The following UBALD1 variants were observed in gnomAD, a reference collection of about 807,000 sequenced individuals.
UBALD1 encodes UBA-like domain-containing protein 1.
A neutral mutation model predicts 16.1 loss-of-function variants in UBALD1; 5 were observed. The observed-to-expected ratio is 0.31, with a 90% CI of 0.16 to 0.66. UBALD1 has a LOEUF of 0.66. Ranked by LOEUF, UBALD1 falls within the 30% of genes least tolerant of loss-of-function variation. UBALD1 has a pLI of 0.77. For missense variants in UBALD1, 220 were observed against 252.8 expected (o/e 0.87, Z 0.88); for synonymous variants, 146 against 105.3 (o/e 1.39, Z -2.37).
At chr16:4,610,202 G>C (rs754216407) in intron 2 of UBALD1, 6 of 712,386 alleles carry the variant, frequency 8.4e-6, no homozygotes, top group Non-Finnish European at 1.5e-5. Context: ...CTGGGGCCAC[G>C]AGGCTTTCCC....
At chr16:4,613,016 AGCTGG>A (rs1897376948) in intron 1 of UBALD1, among the ~76,000 whole-genome samples, 1 of 23,746 alleles carries the variant, frequency 4.2e-5, no homozygotes, top group South Asian at 3.0e-3. Flanking sequence ...CCTGGGTGCC[AGCTGG>A]GTGCCAGGTT....
intron 1 of UBALD1, among the ~76,000 whole-genome samples, chr16:4,613,392 G>T (rs553361538): frequency 6.6e-6 from 1 of 152,158 alleles, no homozygotes; most frequent in Non-Finnish European, 1.5e-5. Flanking sequence ...AGTGGCCTCC[G>T]CGACGGCTGG....
At chr16:4,614,350 C>T (rs866099359) in intron 1 of UBALD1, 27 of 367,256 alleles carry the variant, frequency 7.4e-5, no homozygotes, top group South Asian at 1.2e-4. Context: ...GGCCGCCCGC[C>T]CGACTGTCCG....
At position 4,609,305 on chromosome 16, in the gene UBALD1, A is replaced by G; in HGVS notation, c.*328T>C. 1 of 249,272 alleles carries G rather than the reference A, an allele frequency of 4.0e-6. No individual in the cohort carries two copies. Among genetic ancestry groups the G allele is most frequent in the Non-Finnish European group, 7.6e-6 (1 of 131,002 alleles). 15.4% of individuals were successfully genotyped at this position (249,272 alleles called of 1,614,324 possible). ...GCCAGGGATCAGCAATGTCTCTGCC[A>G]GGGTGGTCCTCCACGGCACCCCTGG... is the stretch of plus-strand genomic sequence containing the variant. On this transcript the variant is annotated 3_prime_UTR_variant, in exon 3 of 3. Transcript: ENST00000283474.
chr16:4,609,692 C>T lies in UBALD1; in HGVS notation c.475G>A (p.Ala159Thr). ...GGTTCTGAGGTGGCCTGTTGGGGGGCCAGGGGTGGCCAGTCTGAAGCCGGA... is the reference window on the plus strand; with the variant it reads ...GGTTCTGAGGTGGCCTGTTGGGGGGTCAGGGGTGGCCAGTCTGAAGCCGGA... ...PSPASDWPPLAPQQATSEPRA... is the reference protein window; with the variant it reads ...PSPASDWPPLTPQQATSEPRA... The change falls in exon 3 of 3, where the codon GCC (alanine) becomes ACC (threonine). Residue 159 changes from alanine to threonine, a missense_variant. By Grantham distance (58) the Ala-to-Thr change is moderately conservative. Around this residue, in one of 2 missense-constraint regions of UBALD1, gnomAD observed 151 missense variants for 132.6 expected, o/e 1.14. Transcript: ENST00000283474. 6.8e-7 allele frequency: 1 copy of T among 1,477,122 alleles called. No homozygotes were observed. Among genetic ancestry groups the T allele is most frequent in the Non-Finnish European group, 9.0e-7 (1 of 1,116,042 alleles). The allele number at this position is 1,477,122 out of a possible 1,614,324, so 91.5% of individuals were successfully genotyped here.
rs967733325 is a variant in UBALD1 at position 4,614,831 on chromosome 16, C to T, written c.-34G>A. 12 of 1,478,766 alleles carry T rather than the reference C, an allele frequency of 8.1e-6. No homozygotes were observed. In the East Asian group the frequency reaches 1.1e-4, roughly 13 times the overall value. 91.6% of individuals were successfully genotyped at this position (1,478,766 alleles called of 1,614,324 possible). ...CGCGCTGCCCGCTCCGGCCTCCCTCCTCCGCCCGCGCCTCCGCCTCACGCG... is the reference window on the plus strand; with the variant it reads ...CGCGCTGCCCGCTCCGGCCTCCCTCTTCCGCCCGCGCCTCCGCCTCACGCG... On this transcript the variant is annotated 5_prime_UTR_variant, in exon 1 of 3. Coordinates refer to ENST00000283474, the MANE Select transcript of UBALD1 (RefSeq NM_145253.3).
chr16:4,610,550 G>T lies in UBALD1; in HGVS notation c.126C>A (p.Ala42=), dbSNP rs146900774. The T allele has an allele frequency of 6.2e-7, 1 of 1,611,836 alleles. No homozygotes were observed. The highest frequency in any genetic ancestry group is 8.5e-7 in the Non-Finnish European group (1 of 1,179,282). Residue 42 remains alanine (A), a synonymous_variant, in exon 2 of 3, where the codon GCC becomes GCA. Transcript: ENST00000283474. ...LQAAHWQFET[A]LSAFFQETNI... Reference sequence around the variant, plus strand: ...TGGTCTCCTGGAAAAAGGCGCTGAGGGCTGTCTGCAGGAAGAAAGGCCCCT... The same window carrying T: ...TGGTCTCCTGGAAAAAGGCGCTGAGTGCTGTCTGCAGGAAGAAAGGCCCCT...
intron 1 of UBALD1, among the ~76,000 whole-genome samples, chr16:4,612,236 G>A (rs1047312340): frequency 5.3e-5 from 8 of 151,916 alleles, no homozygotes; most frequent in African/African-American, 1.9e-4. Context: ...GCTAACTTTT[G>A]TATTTTTAGT....
Position 4,609,601 on chromosome 16 carries a change from T to G in UBALD1, c.*32A>C. 3 of 1,017,546 alleles carry G rather than the reference T, an allele frequency of 2.9e-6. No individual in the cohort carries two copies. Among genetic ancestry groups the G allele is most frequent in the Non-Finnish European group, 4.0e-6 (3 of 746,920 alleles). 63.0% of individuals were successfully genotyped at this position (1,017,546 alleles called of 1,614,324 possible). On this transcript the variant is annotated 3_prime_UTR_variant, in exon 3 of 3. Coordinates refer to ENST00000283474, the MANE Select transcript of UBALD1 (RefSeq NM_145253.3). The stretch of plus-strand genomic sequence containing the variant: ...ACGTCCTCTCCCCCGCCCCACGGGG[T>G]CCTGGCCTCCGGGAGGGGGGAGGGG...
At position 4,609,864 on chromosome 16, in the gene UBALD1, G is replaced by A. The variant is rs765500390; in HGVS notation, c.303C>T (p.Ala101=). The change falls in exon 3 of 3, where the codon GCC becomes GCT. Residue 101 remains alanine, a synonymous_variant. Coordinates refer to ENST00000283474, the MANE Select transcript of UBALD1 (RefSeq NM_145253.3). ...FHSGGSGSPM[A]ATATSPPPHF... ...GTGGCGGGGGTGACGTGGCTGTCGC[G>A]GCCATCGGGCTGCCGCTGCCACCGC... is the stretch of plus-strand genomic sequence containing the variant. 4.6e-5 allele frequency: 70 copies of A among 1,526,080 alleles called. No individual in the cohort carries two copies. The highest frequency in any genetic ancestry group is 6.4e-5 in the South Asian group (5 of 78,562). The allele number at this position is 1,526,080 out of a possible 1,614,324, so 94.5% of individuals were successfully genotyped here.
At chr16:4,610,383 C>A in intron 2 of UBALD1, 110 bp downstream of exon 2, 2 of 1,229,354 alleles carry the variant, frequency 1.6e-6, no homozygotes, top group Non-Finnish European at 2.3e-6. Context: ...AGAGGTCGAG[C>A]CCCGCCTGCA....
Position 4,613,727 on chromosome 16 carries a change from A to G in UBALD1, c.120+951T>C, listed in dbSNP as rs551023345. Among the ~76,000 whole-genome samples, 24 of 152,266 alleles carry G rather than the reference A, an allele frequency of 1.6e-4. No individual in the cohort carries two copies. The South Asian group carries it at 5.0e-3, about 32-fold the overall frequency. On this transcript the variant is annotated intron_variant, in intron 1 of 2. Coordinates refer to ENST00000283474, the MANE Select transcript of UBALD1 (RefSeq NM_145253.3). Reference sequence around the variant, plus strand: ...ATGGGGTTAATCCTGGGGTCGGTGAATTAGGGAAAGCCAGGTAGCCTCTGG... The same window carrying G: ...ATGGGGTTAATCCTGGGGTCGGTGAGTTAGGGAAAGCCAGGTAGCCTCTGG...
chr16:4,611,988 C>G (rs534552726), intron 1 of UBALD1, among the ~76,000 whole-genome samples: 1 of 152,128 alleles, frequency 6.6e-6, no homozygotes, highest in East Asian at 1.9e-4. Context: ...CCTCCCAGGC[C>G]CAGCACACCC....
intron 1 of UBALD1, 92 bp downstream of exon 1, chr16:4,614,586 C>T: frequency 7.9e-7 from 1 of 1,267,966 alleles, no homozygotes; most frequent in Non-Finnish European, 9.9e-7. Context: ...GCACAGCCGG[C>T]ACGCGTCCAC....
chr16:4,609,551 A>G lies in UBALD1; in HGVS notation c.*82T>C. 1 of 575,452 alleles carries G rather than the reference A, an allele frequency of 1.7e-6. No homozygotes were observed. Among genetic ancestry groups the G allele is most frequent in the Non-Finnish European group, 2.7e-6 (1 of 371,382 alleles). The allele number at this position is 575,452 out of a possible 1,614,324, so 35.6% of individuals were successfully genotyped here. ...CCGGGGAACAAGGGGTGCAGACAGA[A>G]AAGGGGTGAAGGGGGCCCGCAGAGA... is the stretch of plus-strand genomic sequence containing the variant. On this transcript the variant is annotated 3_prime_UTR_variant, in exon 3 of 3. Coordinates refer to ENST00000283474, the MANE Select transcript of UBALD1 (RefSeq NM_145253.3).
rs770422155 is a variant in UBALD1, at chr16:4,609,732, A to C, written c.435T>G (p.Thr145=). Residue 145 remains threonine, a synonymous_variant, in exon 3 of 3, where the codon ACT becomes ACG. Coordinates refer to ENST00000283474, the MANE Select transcript of UBALD1 (RefSeq NM_145253.3). Reference sequence around the variant, plus strand: ...CTGAAGCCGGAGAAGGGGGTGTTGGAGTCCACAGGGGCGGCTGTGGCTGGT... The same window carrying C: ...CTGAAGCCGGAGAAGGGGGTGTTGGCGTCCACAGGGGCGGCTGTGGCTGGT... ...QHHQPQPPLW[T]PTPPSPASDW... 34 of 1,488,910 alleles carry C rather than the reference A, an allele frequency of 2.3e-5. No individual in the cohort carries two copies. The highest frequency in any genetic ancestry group is 2.9e-5 in the Non-Finnish European group (33 of 1,122,024). 92.2% of individuals were successfully genotyped at this position (1,488,910 alleles called of 1,614,324 possible).
chr16:4,610,341 C>T (rs841184), intron 2 of UBALD1, 152 bp downstream of exon 2: 748,522 of 792,054 alleles, frequency 0.95, 361,415 homozygotes, highest in East Asian at 1. Flanking sequence ...GCAGGACCCA[C>T]GGAGCCGGGA....
At chr16:4,614,219 GC>G (rs1567149075) in intron 1 of UBALD1, 1 of 318,658 alleles carries the variant, frequency 3.1e-6, no homozygotes, top group African/African-American at 2.2e-5. Context: ...AAACACAAAT[GC>G]ACATGGACGT....
intron 1 of UBALD1, among the ~76,000 whole-genome samples, chr16:4,613,542 T>C (rs1440529031): frequency 4.6e-5 from 7 of 152,152 alleles, no homozygotes; most frequent in Non-Finnish European, 1.0e-4. Flanking sequence ...CTCTGGCTTC[T>C]AGTCCCTCCT....
Sources: gnomAD v4.1 joint callset for allele counts (sites outside exome capture counted in the v4.1 genomes callset) on GRCh38, gnomAD v4.1.1 for gene constraint, gnomAD v4.1.1 regional missense constraint, MANE v1.5 for transcripts, NCBI Gene and HGNC (gene_info 2026-07-23, HGNC 2026-07-21) for gene names.